Variants in HEMK2 observed in about 807,000 individuals in gnomAD.
HEMK2 encodes the protein HemK methyltransferase 2, ETF1 glutamine and histone H4 lysine.
chr21:28,725,057 A>G, the HEMK2 span, among the ~76,000 whole-genome samples: 1 of 152,050 alleles, frequency 6.6e-6, no homozygotes, highest in African/African-American at 2.4e-5. Context: ...GTGGTATCAC[A>G]CCTTTTTAAG....
chr21:28,598,724 T>C, the HEMK2 span, among the ~76,000 whole-genome samples: 5 of 152,184 alleles, frequency 3.3e-5, no homozygotes, highest in Non-Finnish European at 4.4e-5. Flanking sequence ...GGGAATTCTA[T>C]AGAATTACCC....
At chr21:28,790,409 C>G in the HEMK2 span, among the ~76,000 whole-genome samples, 3 of 152,160 alleles carry the variant, frequency 2.0e-5, no homozygotes, top group Non-Finnish European at 4.4e-5. Context: ...TGTCAAGCAT[C>G]AAGCGTCTTG....
At chr21:28,867,711 G>A in the HEMK2 span, among the ~76,000 whole-genome samples, 25,531 of 152,108 alleles carry the variant, frequency 0.17, 2,241 homozygotes, top group South Asian at 0.23. Context: ...GGGCCCAGAT[G>A]GATCTGACCT....
At chr21:28,665,155 T>C in the HEMK2 span, among the ~76,000 whole-genome samples, 1 of 150,274 alleles carries the variant, frequency 6.7e-6, no homozygotes, top group South Asian at 2.1e-4. Flanking sequence ...AGTGGCGGCA[T>C]GCACCTATGG....
the HEMK2 span, among the ~76,000 whole-genome samples, chr21:28,666,722 G>T: frequency 1.3e-5 from 2 of 152,010 alleles, no homozygotes; most frequent in African/African-American, 4.8e-5. Context: ...CAGCTTTTTT[G>T]GAATTAGATA....
chr21:28,803,705 C>T, the HEMK2 span, among the ~76,000 whole-genome samples: 2 of 152,290 alleles, frequency 1.3e-5, no homozygotes, highest in African/African-American at 4.8e-5. Context: ...CCGTTTACAC[C>T]CCACCTTCAC....
chr21:28,752,527 T>C, the HEMK2 span, among the ~76,000 whole-genome samples: 1 of 152,234 alleles, frequency 6.6e-6, no homozygotes, highest in East Asian at 1.9e-4. Flanking sequence ...CAATATAGTA[T>C]ATGTTTTCTT....
the HEMK2 span, among the ~76,000 whole-genome samples, chr21:28,602,867 G>A: frequency 1.6e-4 from 24 of 152,308 alleles, no homozygotes; most frequent in South Asian, 2.3e-3. Context: ...TCAACAAGAG[G>A]AGTAGCCTGC....
the HEMK2 span, among the ~76,000 whole-genome samples, chr21:28,603,587 GTGTGTGTT>G: frequency 2.1e-4 from 30 of 141,794 alleles, no homozygotes; most frequent in South Asian, 2.2e-4. Context: ...GTGTGTGTGT[GTGTGTGTT>G]TTAGGTTGCA....
chr21:28,607,670 T>C, the HEMK2 span, among the ~76,000 whole-genome samples: 1 of 152,220 alleles, frequency 6.6e-6, no homozygotes. Context: ...GCTCATTCTG[T>C]CTTATTTATT....
chr21:28,845,939 C>T, the HEMK2 span, among the ~76,000 whole-genome samples: 15 of 152,100 alleles, frequency 9.9e-5, no homozygotes, highest in Non-Finnish European at 1.8e-4. Context: ...AGAATCCAAA[C>T]CCTCGTCCCA....
the HEMK2 span, among the ~76,000 whole-genome samples, chr21:28,609,403 C>T: frequency 6.6e-6 from 1 of 151,918 alleles, no homozygotes; most frequent in South Asian, 2.1e-4. Flanking sequence ...GAACAGCAGC[C>T]CTTGAGTCCC....
chr21:28,715,076 C>T, the HEMK2 span, among the ~76,000 whole-genome samples: 1 of 152,120 alleles, frequency 6.6e-6, no homozygotes, highest in African/African-American at 2.4e-5. Context: ...TGTCTTTACT[C>T]ATATTAATAG....
chr21:28,787,010 TA>T, the HEMK2 span, among the ~76,000 whole-genome samples: 1 of 152,056 alleles, frequency 6.6e-6, no homozygotes, highest in Non-Finnish European at 1.5e-5. Context: ...AGGCATCACC[TA>T]GGCACATAGA....
chr21:28,634,136 T>C, the HEMK2 span, among the ~76,000 whole-genome samples: 3 of 152,334 alleles, frequency 2.0e-5, no homozygotes, highest in East Asian at 5.8e-4. Flanking sequence ...CTTTATCTCA[T>C]TAAAAATTAT....
At chr21:28,796,256 A>G in the HEMK2 span, among the ~76,000 whole-genome samples, 1 of 152,066 alleles carries the variant, frequency 6.6e-6, no homozygotes, top group Non-Finnish European at 1.5e-5. Context: ...CTCCTGCCTC[A>G]GCCTCCCGAG....
chr21:28,706,077 T>A, the HEMK2 span, among the ~76,000 whole-genome samples: 1 of 152,218 alleles, frequency 6.6e-6, no homozygotes, highest in African/African-American at 2.4e-5. Context: ...GATGTAGACA[T>A]CTTTGAAGTG....
the HEMK2 span, among the ~76,000 whole-genome samples, chr21:28,637,548 C>T: frequency 6.6e-6 from 1 of 152,126 alleles, no homozygotes; most frequent in African/African-American, 2.4e-5. Flanking sequence ...CCTCTCATGC[C>T]ACACAAATGC....
the HEMK2 span, among the ~76,000 whole-genome samples, chr21:28,597,755 A>G: frequency 6.6e-6 from 1 of 152,366 alleles, no homozygotes; most frequent in East Asian, 1.9e-4. Context: ...GGAAACAGTC[A>G]TAAGAGATGA....
Sources: gnomAD v4.1 joint callset for allele counts (sites outside exome capture counted in the v4.1 genomes callset) on GRCh38, gnomAD v4.1.1 for gene constraint, MANE v1.5 for transcripts, NCBI Gene and HGNC (gene_info 2026-07-23, HGNC 2026-07-21) for gene names.